Variants in TFEC observed in about 807,000 individuals in gnomAD.
TFEC encodes the protein class E basic helix-loop-helix protein 34.
In TFEC, 31 loss-of-function variants were observed where a neutral mutation model predicts 41.6. The ratio of observed to expected loss-of-function variants is 0.74; its 90% CI spans 0.56 to 1.01. The LOEUF (loss-of-function observed/expected upper bound fraction) is 1.01. Ranked by LOEUF, TFEC falls within the 50% of genes least tolerant of loss-of-function variation. The pLI, the probability that TFEC is intolerant of heterozygous loss-of-function variation, is 0.00. For synonymous variants in TFEC, 143 were observed against 140.6 expected (o/e 1.02, Z -0.12); for missense variants, 402 against 404.1 (o/e 0.99, Z 0.04).
intron 3 of TFEC, among the ~76,000 whole-genome samples, chr7:115,973,773 T>C (rs993293772): frequency 6.6e-6 from 1 of 152,058 alleles, no homozygotes; most frequent in Non-Finnish European, 1.5e-5. Flanking sequence ...TCTACAAAGG[T>C]ATAGAGCCTC....
At chr7:116,142,945 T>C (rs1431627235) in intron 1 of TFEC, among the ~76,000 whole-genome samples, 1 of 152,198 alleles carries the variant, frequency 6.6e-6, no homozygotes, top group East Asian at 1.9e-4. Flanking sequence ...TATAGAACCC[T>C]CTGAGTTTTA....
intron 3 of TFEC, among the ~76,000 whole-genome samples, chr7:116,069,947 AAAC>A (rs1796785638): frequency 6.6e-6 from 1 of 151,584 alleles, no homozygotes; most frequent in African/African-American, 2.4e-5. Context: ...GCTTCTTTTA[AAAC>A]AATATGAACA....
At chr7:116,063,053 T>C (rs1320062951) in intron 3 of TFEC, among the ~76,000 whole-genome samples, 1 of 152,170 alleles carries the variant, frequency 6.6e-6, no homozygotes, top group Non-Finnish European at 1.5e-5. Flanking sequence ...CAAATGCCCA[T>C]CAGTAGATTT....
intron 3 of TFEC, chr7:115,968,330 T>C (rs1792968776): frequency 1.4e-5 from 21 of 1,480,982 alleles, no homozygotes; most frequent in Non-Finnish European, 1.9e-5. Context: ...TTGGTTCTTC[T>C]TTGGACTTTA....
intron 1 of TFEC, among the ~76,000 whole-genome samples, chr7:116,001,192 T>C (rs913492739): frequency 1.3e-5 from 2 of 151,934 alleles, no homozygotes; most frequent in African/African-American, 2.4e-5. Flanking sequence ...ATAACACATA[T>C]TGGGGAAATG....
chr7:116,024,138 T>A (rs1161529666), intron 1 of TFEC, among the ~76,000 whole-genome samples: 9 of 152,136 alleles, frequency 5.9e-5, no homozygotes, highest in Non-Finnish European at 1.3e-4. Context: ...TCTTTTCTGG[T>A]CCCATGTTAC....
intron 3 of TFEC, among the ~76,000 whole-genome samples, chr7:116,101,720 A>G (rs1471730860): frequency 6.6e-6 from 1 of 152,166 alleles, no homozygotes; most frequent in Non-Finnish European, 1.5e-5. Flanking sequence ...CAATGAATGT[A>G]TTGTAAATTA....
In TFEC at chr7:116,157,567, A is replaced by G. The variant is rs185369343; in HGVS notation, c.-69+2223T>C. Among the ~76,000 whole-genome samples, 7 of 151,276 alleles carry G rather than the reference A, an allele frequency of 4.6e-5. 1 individual carries two copies. Among genetic ancestry groups the G allele is most frequent in the Admixed American group, 4.0e-4 (6 of 15,184 alleles). The stretch of plus-strand genomic sequence containing the variant: ...TAGTAGGGAATGAGCAGTCTTGAGA[A>G]AAATGGAAATCAGGATTCTAAGGGA... On this transcript the variant is annotated intron_variant, in intron 1 of 8. Coordinates refer to the TFEC transcript ENST00000484212.
intron 3 of TFEC, among the ~76,000 whole-genome samples, chr7:116,081,015 G>GTGTGTGTA (rs1562962557): frequency 6.8e-5 from 10 of 147,794 alleles, no homozygotes; most frequent in African/African-American, 2.2e-4. Flanking sequence ...GTGTGTGTGT[G>GTGTGTGTA]TATAAATATA....
chr7:115,942,238 A>G (rs1294928989), intron 6 of TFEC, among the ~76,000 whole-genome samples, 198 bp from the exon 7 acceptor site: 1 of 152,050 alleles, frequency 6.6e-6, no homozygotes, highest in Non-Finnish European at 1.5e-5. Flanking sequence ...CAGAATGAAA[A>G]TAAGTGTCAA....
chr7:115,984,599 A>G (rs1793772897), intron 1 of TFEC, 86 bp from the exon 2 acceptor site: 1 of 1,465,288 alleles, frequency 6.8e-7, no homozygotes, highest in Admixed American at 2.1e-5. Flanking sequence ...CTAGGATAAT[A>G]AACACACTAC....
chr7:116,139,466 C>T (rs1463235252), intron 1 of TFEC, among the ~76,000 whole-genome samples: 1 of 152,116 alleles, frequency 6.6e-6, no homozygotes, highest in East Asian at 1.9e-4. Flanking sequence ...ATCATGCTTT[C>T]TTTGATTAAA....
intron 3 of TFEC, among the ~76,000 whole-genome samples, chr7:116,087,568 T>C (rs1797230015): frequency 6.6e-6 from 1 of 152,052 alleles, no homozygotes. Context: ...GAACTTCAAA[T>C]ATTATAAATC....
intron 3 of TFEC, among the ~76,000 whole-genome samples, chr7:116,048,135 G>A (rs1293936183): frequency 3.3e-5 from 5 of 151,882 alleles, no homozygotes; most frequent in Non-Finnish European, 7.4e-5. Flanking sequence ...GGATGGAGAC[G>A]AACTGAGAGA....
intron 1 of TFEC, among the ~76,000 whole-genome samples, chr7:116,020,034 T>A (rs1795333990): frequency 6.6e-6 from 1 of 152,202 alleles, no homozygotes; most frequent in East Asian, 1.9e-4. Flanking sequence ...TATTTAGAGC[T>A]CTGCCTGCCT....
At chr7:116,023,802 C>G (rs1562939378) in intron 1 of TFEC, among the ~76,000 whole-genome samples, 1 of 152,098 alleles carries the variant, frequency 6.6e-6, no homozygotes, top group East Asian at 1.9e-4. Context: ...CATTATTACA[C>G]CAAATGCCAT....
chr7:115,946,609 T>C (rs142459801), intron 6 of TFEC, among the ~76,000 whole-genome samples: 8 of 112,290 alleles, frequency 7.1e-5, no homozygotes, highest in African/African-American at 6.9e-5. Flanking sequence ...TTCTTTCTTT[T>C]TTCTTTCTTT....
At chr7:116,036,954 T>A (rs994294671) in intron 3 of TFEC, among the ~76,000 whole-genome samples, 1 of 152,058 alleles carries the variant, frequency 6.6e-6, no homozygotes, top group African/African-American at 2.4e-5. Context: ...TGATAATAGA[T>A]AACATTTAAG....
In TFEC at chr7:116,024,802, A is replaced by G. The variant is rs142906175; in HGVS notation, c.-73+5831T>C. ...ATACATTATTTCCATCTCCTATCAT[A>G]TTCCAGAATATCTTTGCTTGCTATT... On this transcript the variant is annotated intron_variant, in intron 1 of 7. Coordinates refer to ENST00000265440, the MANE Select transcript of TFEC (RefSeq NM_012252.4). 8.7e-5 allele frequency among the ~76,000 whole-genome samples: 13 copies of G among 150,252 alleles called. No homozygotes were observed. In the East Asian group the frequency reaches 2.1e-3, roughly 25 times the overall value.
Sources: allele counts gnomAD v4.1 joint callset (sites outside exome capture counted in the v4.1 genomes callset), GRCh38; gene constraint gnomAD v4.1.1; transcripts MANE v1.5; gene names NCBI Gene and HGNC (gene_info 2026-07-23, HGNC 2026-07-21).